The following MAN1A1 variants were observed in gnomAD, a reference collection of about 807,000 sequenced individuals.
MAN1A1 encodes mannosidase alpha class 1A member 1.
MAN1A1 carries 29 observed loss-of-function variants against 70.8 expected under a neutral mutation model. The observed-to-expected ratio is 0.41, with a 90% CI of 0.31 to 0.56. MAN1A1 has a LOEUF of 0.56. MAN1A1 is among the 20% of genes least tolerant of loss of function. The pLI is 0.29. For missense variants in MAN1A1, 747 were observed against 841.3 expected (o/e 0.89, Z 1.39); for synonymous variants, 349 against 330.1 (o/e 1.06, Z -0.62).
At chr6:119,306,085 GTTA>G (rs1309548264) in intron 3 of MAN1A1, among the ~76,000 whole-genome samples, 1 of 152,190 alleles carries the variant, frequency 6.6e-6, no homozygotes, top group African/African-American at 2.4e-5. Context: ...TGCTGAAACT[GTTA>G]TTATGTGAAT....
chr6:119,208,463 ATGCTTT>A (rs570272276), intron 6 of MAN1A1, among the ~76,000 whole-genome samples: 1 of 152,366 alleles, frequency 6.6e-6, no homozygotes, highest in Non-Finnish European at 1.5e-5. Flanking sequence ...AAAGTGTGGA[ATGCTTT>A]TGTTGCTTTG....
intron 5 of MAN1A1, among the ~76,000 whole-genome samples, chr6:119,276,540 T>A (rs1776071779): frequency 6.6e-6 from 1 of 152,222 alleles, no homozygotes; most frequent in South Asian, 2.1e-4. Flanking sequence ...AATTCTAAAT[T>A]AGTATTATTC....
chr6:119,201,636 T>C (rs1262919245), intron 7 of MAN1A1, among the ~76,000 whole-genome samples: 1 of 152,112 alleles, frequency 6.6e-6, no homozygotes, highest in Non-Finnish European at 1.5e-5. Context: ...AATAAATCAA[T>C]AAGTCTAGTC....
chr6:119,267,503 AGTT>A (rs2114367286), intron 5 of MAN1A1, among the ~76,000 whole-genome samples: 1 of 152,316 alleles, frequency 6.6e-6, no homozygotes, highest in African/African-American at 2.4e-5. Flanking sequence ...AAAATTATGT[AGTT>A]ATTTCAAAAT....
rs145676287 is a variant in MAN1A1, at chr6:119,283,929, C to T, written c.897+6754G>A. Among the ~76,000 whole-genome samples, 193 of 152,178 alleles carry T rather than the reference C, an allele frequency of 1.3e-3. 1 individual carries two copies. Among genetic ancestry groups the T allele is most frequent in the African/African-American group, 4.6e-3 (189 of 41,532 alleles). On this transcript the variant is annotated intron_variant, in intron 5 of 12. Transcript: ENST00000368468. Reference sequence around the variant, plus strand: ...TGGGGAAGAGACTGAAGAGGGGAGACGCTGGCAGTACGAAGGTCAGTTGGA... The same window carrying T: ...TGGGGAAGAGACTGAAGAGGGGAGATGCTGGCAGTACGAAGGTCAGTTGGA...
intron 2 of MAN1A1, among the ~76,000 whole-genome samples, chr6:119,344,529 C>T (rs1229280165): frequency 1.3e-5 from 2 of 152,294 alleles, no homozygotes; most frequent in Admixed American, 6.5e-5. Flanking sequence ...GAATGTGTCA[C>T]GGCACAGTGG....
intron 6 of MAN1A1, among the ~76,000 whole-genome samples, chr6:119,221,615 G>A (rs1774363474): frequency 6.6e-6 from 1 of 151,590 alleles, no homozygotes; most frequent in Non-Finnish European, 1.5e-5. Context: ...AAAAAATACA[G>A]GTAATTTTTG....
chr6:119,323,910 A>G (rs1007655628), intron 2 of MAN1A1, among the ~76,000 whole-genome samples: 1 of 152,240 alleles, frequency 6.6e-6, no homozygotes, highest in Non-Finnish European at 1.5e-5. Context: ...CTTATATAAT[A>G]TTCAGAAATA....
At chr6:119,344,642 TA>T (rs1773680288) in intron 2 of MAN1A1, among the ~76,000 whole-genome samples, 1 of 152,320 alleles carries the variant, frequency 6.6e-6, no homozygotes, top group Admixed American at 6.5e-5. Flanking sequence ...GAACTACCCA[TA>T]AAAATAAACT....
chr6:119,239,124 C>A, intron 6 of MAN1A1, among the ~76,000 whole-genome samples: 1 of 152,040 alleles, frequency 6.6e-6, no homozygotes, highest in East Asian at 1.9e-4. Flanking sequence ...GTGATCCGCC[C>A]GCCTCAGCCT....
intron 11 of MAN1A1, among the ~76,000 whole-genome samples, chr6:119,180,659 T>A (rs1773127586): frequency 6.6e-6 from 1 of 151,996 alleles, no homozygotes; most frequent in African/African-American, 2.4e-5. Flanking sequence ...ACCACAGGCA[T>A]TCGCCACCAT....
intron 5 of MAN1A1, among the ~76,000 whole-genome samples, chr6:119,263,255 TTAAG>T (rs1260199995): frequency 2.6e-5 from 4 of 152,018 alleles, no homozygotes; most frequent in East Asian, 3.8e-4. Flanking sequence ...TTATATTTTA[TTAAG>T]TATTAATTTA....
At chr6:119,305,016 TAAG>T (rs1772490414) in intron 3 of MAN1A1, among the ~76,000 whole-genome samples, 1 of 152,158 alleles carries the variant, frequency 6.6e-6, no homozygotes, top group African/African-American at 2.4e-5. Flanking sequence ...ATTTCTATAA[TAAG>T]AAAATCATTA....
At chr6:119,303,193 A>AT (rs1310197263) in intron 3 of MAN1A1, among the ~76,000 whole-genome samples, 1 of 151,740 alleles carries the variant, frequency 6.6e-6, no homozygotes, top group Non-Finnish European at 1.5e-5. Flanking sequence ...TAATTTTAAA[A>AT]TTTTTTTTGT....
At chr6:119,304,862 C>G (rs956991199) in intron 3 of MAN1A1, among the ~76,000 whole-genome samples, 1 of 152,148 alleles carries the variant, frequency 6.6e-6, no homozygotes, top group South Asian at 2.1e-4. Flanking sequence ...TTTTCCTATC[C>G]TCTCCCTGGT....
intron 5 of MAN1A1, among the ~76,000 whole-genome samples, chr6:119,284,478 TTGAGAAGGGGCAG>T (rs1176116445): frequency 6.6e-6 from 1 of 152,212 alleles, no homozygotes; most frequent in Non-Finnish European, 1.5e-5. Flanking sequence ...AAGGACGCTG[TTGAGAAGGGGCAG>T]AGAAAGCTTT....
At chr6:119,246,353 T>C (rs997697813) in intron 6 of MAN1A1, among the ~76,000 whole-genome samples, 5 of 152,174 alleles carry the variant, frequency 3.3e-5, no homozygotes, top group Admixed American at 1.3e-4. Context: ...TCCATTGTAC[T>C]GTTAGCTTTT....
chr6:119,190,282 T>G (rs534222005), intron 9 of MAN1A1, among the ~76,000 whole-genome samples: 1 of 152,294 alleles, frequency 6.6e-6, no homozygotes, highest in East Asian at 1.9e-4. Flanking sequence ...ACACAGCATA[T>G]TTGTGCATGA....
upstream of MAN1A1, chr6:119,350,535 A>G (rs1392389281): frequency 1.0e-6 from 1 of 985,394 alleles, no homozygotes; most frequent in African/African-American, 1.7e-5. Flanking sequence ...ACCTCATAGA[A>G]GTTGGTCAAA....
Sources: gnomAD v4.1 joint callset for allele counts (sites outside exome capture counted in the v4.1 genomes callset) on GRCh38, gnomAD v4.1.1 for gene constraint, MANE v1.5 for transcripts, NCBI Gene and HGNC (gene_info 2026-07-23, HGNC 2026-07-21) for gene names.